Variants in NRG1 observed in about 807,000 individuals in gnomAD.
The protein encoded by NRG1 is neuregulin 1, also known as pro-neuregulin-1, membrane-bound isoform.
In NRG1, 18 loss-of-function variants were observed where a neutral mutation model predicts 63.8. The observed-to-expected ratio is 0.28, with a 90% CI of 0.19 to 0.42. NRG1 has a LOEUF of 0.42. Ranked by LOEUF, NRG1 falls within the 10% of genes least tolerant of loss-of-function variation. NRG1 has a pLI of 1.00. For synonymous variants in NRG1, 302 were observed against 301.3 expected, an observed-to-expected ratio of 1.00 and a Z score of -0.02; for missense variants, 762 against 814.7, an observed-to-expected ratio of 0.94 and a Z score of 0.79.
intron 1 of NRG1, among the ~76,000 whole-genome samples, chr8:31,938,511 C>G (rs1440181021): frequency 6.6e-6 from 1 of 152,020 alleles, no homozygotes; most frequent in African/African-American, 2.4e-5. Flanking sequence ...ATTTAACACC[C>G]CCCAAAAATC....
At chr8:32,385,907 C>A (rs969180000) in intron 1 of NRG1, among the ~76,000 whole-genome samples, 2 of 152,184 alleles carry the variant, frequency 1.3e-5, no homozygotes, top group Non-Finnish European at 2.9e-5. Flanking sequence ...ATAAGAGAAT[C>A]ATTGAGTAAA....
At chr8:31,651,068 A>T (rs1303410151) in intron 1 of NRG1, among the ~76,000 whole-genome samples, 1 of 152,160 alleles carries the variant, frequency 6.6e-6, no homozygotes, top group Non-Finnish European at 1.5e-5. Flanking sequence ...CCTCTTATTT[A>T]GTGTTGTTCT....
chr8:31,713,001 CCATCCATCCAT>C (rs1811952664), intron 1 of NRG1, among the ~76,000 whole-genome samples: 1 of 150,960 alleles, frequency 6.6e-6, no homozygotes, highest in Non-Finnish European at 1.5e-5. Context: ...ATCCATCCAT[CCATCCATCCAT>C]CCATCCATCC....
chr8:32,633,936 G>A (rs1014567267), intron 5 of NRG1, among the ~76,000 whole-genome samples: 3 of 151,892 alleles, frequency 2.0e-5, no homozygotes, highest in African/African-American at 7.3e-5. Flanking sequence ...GAGGCCAGGA[G>A]TTCGAGACTA....
chr8:32,005,590 T>G (rs1361009869), intron 1 of NRG1, among the ~76,000 whole-genome samples: 1 of 152,034 alleles, frequency 6.6e-6, no homozygotes, highest in Non-Finnish European at 1.5e-5. Flanking sequence ...AAAGCAATTT[T>G]TCACATCAAG....
At chr8:31,802,172 C>T (rs1031124506) in intron 1 of NRG1, among the ~76,000 whole-genome samples, 5 of 152,160 alleles carry the variant, frequency 3.3e-5, no homozygotes, top group Non-Finnish European at 7.4e-5. Context: ...TGCTTTTAGT[C>T]GTCTATTACC....
At chr8:32,355,840 T>G (rs746181942) in intron 1 of NRG1, among the ~76,000 whole-genome samples, 5 of 152,150 alleles carry the variant, frequency 3.3e-5, no homozygotes, top group African/African-American at 7.2e-5. Flanking sequence ...ACAAACATAA[T>G]CTAGGGAGTA....
rs143380574 is a variant in NRG1 at position 32,079,148 on chromosome 8, TAC to T, written c.37+439749_37+439750del. Among the ~76,000 whole-genome samples the T allele has an allele frequency of 6.2e-3, 905 of 145,840 alleles. 5 individuals are homozygous for T. The highest frequency in any genetic ancestry group is 0.014 in the African/African-American group (537 of 39,636). On this transcript the variant is annotated intron_variant, in intron 1 of 10. Coordinates refer to the NRG1 transcript ENST00000519301. ...GAATGTTTATGCATGTAGAATGAAA[TAC>T]ACACACACACACACACACACACACA...
At chr8:32,688,136 G>C (rs1810657171) in intron 5 of NRG1, among the ~76,000 whole-genome samples, 1 of 152,144 alleles carries the variant, frequency 6.6e-6, no homozygotes, top group Admixed American at 6.6e-5. Flanking sequence ...ATACAGAAAG[G>C]AAAACCATGT....
intron 1 of NRG1, among the ~76,000 whole-genome samples, chr8:31,732,026 T>C (rs1322414175): frequency 6.6e-6 from 1 of 152,180 alleles, no homozygotes; most frequent in Non-Finnish European, 1.5e-5. Flanking sequence ...CTTTTTCCTC[T>C]CAGCACAGAT....
intron 1 of NRG1, among the ~76,000 whole-genome samples, chr8:31,722,444 C>T (rs1033345941): frequency 6.6e-6 from 1 of 152,076 alleles, no homozygotes; most frequent in Non-Finnish European, 1.5e-5. Flanking sequence ...TGTCCTTCCA[C>T]GGTGGCACAG....
intron 1 of NRG1, among the ~76,000 whole-genome samples, chr8:32,134,501 T>C (rs1271892492): frequency 1.3e-5 from 2 of 152,160 alleles, no homozygotes; most frequent in Non-Finnish European, 2.9e-5. Flanking sequence ...GGAACCCCTA[T>C]TCCTGCCAAT....
At chr8:31,896,702 G>A (rs2129614683) in intron 1 of NRG1, among the ~76,000 whole-genome samples, 1 of 152,214 alleles carries the variant, frequency 6.6e-6, no homozygotes. Flanking sequence ...TCTTGCTGCT[G>A]GTCTGGCATC....
intron 1 of NRG1, among the ~76,000 whole-genome samples, chr8:32,190,096 A>C (rs1272277104): frequency 3.3e-5 from 5 of 152,162 alleles, no homozygotes; most frequent in African/African-American, 9.6e-5. Context: ...TAGGAAAATA[A>C]GTTACAAATT....
chr8:31,897,364 G>A (rs568686292), intron 1 of NRG1, among the ~76,000 whole-genome samples: 1 of 152,216 alleles, frequency 6.6e-6, no homozygotes, highest in South Asian at 2.1e-4. Flanking sequence ...ATTCCAGCCT[G>A]AATCTAGTAT....
chr8:31,813,525 T>C (rs1372103999), intron 1 of NRG1, among the ~76,000 whole-genome samples: 11 of 130,994 alleles, frequency 8.4e-5, no homozygotes, highest in East Asian at 2.4e-4. Flanking sequence ...TCTTTTTTTT[T>C]TTTTTTTTGT....
chr8:31,757,946 A>G (rs377350318), intron 1 of NRG1, among the ~76,000 whole-genome samples: 2 of 151,816 alleles, frequency 1.3e-5, no homozygotes, highest in Non-Finnish European at 2.9e-5. Context: ...CTTCTCCTCT[A>G]TCACTCATAG....
At chr8:32,515,644 T>C (rs1358066757) in intron 1 of NRG1, among the ~76,000 whole-genome samples, 1 of 152,152 alleles carries the variant, frequency 6.6e-6, no homozygotes. Context: ...ACACAGTATG[T>C]TGCCTGGGCT....
At chr8:32,202,250 T>C (rs1156639828) in intron 1 of NRG1, among the ~76,000 whole-genome samples, 1 of 152,206 alleles carries the variant, frequency 6.6e-6, no homozygotes, top group Non-Finnish European at 1.5e-5. Flanking sequence ...TTTAAAATGT[T>C]TTTTTCTTAG....
Sources: gnomAD v4.1 joint callset for allele counts (sites outside exome capture counted in the v4.1 genomes callset) on GRCh38, gnomAD v4.1.1 for gene constraint, MANE v1.5 for transcripts, NCBI Gene and HGNC (gene_info 2026-07-23, HGNC 2026-07-21) for gene names.